CRHR2: variants seen among roughly 807,000 people sequenced by gnomAD.
CRHR2 encodes the protein corticotropin-releasing hormone receptor 2.
In CRHR2, 53 loss-of-function variants were observed where a neutral mutation model predicts 57.9. The ratio of observed to expected loss-of-function variants is 0.92; its 90% CI spans 0.73 to 1.15. CRHR2 has a LOEUF of 1.15. CRHR2 is among the 50% of genes most tolerant of loss of function. The pLI, the probability that CRHR2 is intolerant of heterozygous loss-of-function variation, is 0.00. For synonymous variants in CRHR2, 213 were observed against 220.9 expected (o/e 0.96, Z 0.32); for missense variants, 532 against 542.6 (o/e 0.98, Z 0.19).
At chr7:30,694,289 C>T (rs1785014541) in intron 1 of CRHR2, among the ~76,000 whole-genome samples, 1 of 152,248 alleles carries the variant, frequency 6.6e-6, no homozygotes, top group Non-Finnish European at 1.5e-5. Flanking sequence ...TCCCGCCTCT[C>T]AGTGCCTGGC....
chr7:30,691,358 C>T (rs1162864562), intron 1 of CRHR2, among the ~76,000 whole-genome samples: 1 of 152,224 alleles, frequency 6.6e-6, no homozygotes, highest in Non-Finnish European at 1.5e-5. Flanking sequence ...GCAGCCATTC[C>T]ATCTCAGATG....
upstream of CRHR2, among the ~76,000 whole-genome samples, chr7:30,683,829 A>G (rs1002510025): frequency 1.3e-5 from 2 of 152,208 alleles, no homozygotes; most frequent in Non-Finnish European, 2.9e-5. Context: ...TTCCCCTGCC[A>G]TCCTCCACAT....
At chr7:30,664,447 T>G (rs1784113153) in intron 5 of CRHR2, among the ~76,000 whole-genome samples, 1 of 152,190 alleles carries the variant, frequency 6.6e-6, no homozygotes, top group Non-Finnish European at 1.5e-5. Context: ...ATGGGGAAAA[T>G]GATCCCTGCT....
chr7:30,699,474 G>A (rs537001099), intron 1 of CRHR2, among the ~76,000 whole-genome samples: 47 of 151,348 alleles, frequency 3.1e-4, no homozygotes, highest in Non-Finnish European at 4.7e-4. Context: ...GTCCCTGGGG[G>A]TAAGGGTCAG....
intron 5 of CRHR2, among the ~76,000 whole-genome samples, chr7:30,664,235 T>C (rs1021584144): frequency 6.6e-6 from 1 of 152,248 alleles, no homozygotes; most frequent in African/African-American, 2.4e-5. Context: ...GAGAAGTCTC[T>C]GTCGGTGTGC....
chr7:30,658,426 A>G (rs1429404050), intron 8 of CRHR2, among the ~76,000 whole-genome samples: 1 of 150,472 alleles, frequency 6.6e-6, no homozygotes, highest in Non-Finnish European at 1.5e-5. Context: ...CTTGTGGCCT[A>G]GCTGGGGGCC....
At chr7:30,683,244 C>G (rs1301234006), upstream of CRHR2, among the ~76,000 whole-genome samples, 2 of 152,190 alleles carry the variant, frequency 1.3e-5, no homozygotes, top group East Asian at 3.9e-4. Context: ...TTGTTAGTGC[C>G]TTGGGCACCA....
upstream of CRHR2, among the ~76,000 whole-genome samples, chr7:30,687,337 C>T (rs1360575607): frequency 2.6e-5 from 4 of 151,640 alleles, no homozygotes; most frequent in African/African-American, 9.7e-5. Context: ...GCGTCACAAG[C>T]GATGCGGTGG....
intron 1 of CRHR2, among the ~76,000 whole-genome samples, chr7:30,696,447 C>A (rs887684370): frequency 6.6e-6 from 1 of 152,082 alleles, no homozygotes; most frequent in Non-Finnish European, 1.5e-5. Context: ...TAAGGCCAGG[C>A]GCGGTGGTTC....
chr7:30,680,762 C>T (rs1204158545), intron 2 of CRHR2, among the ~76,000 whole-genome samples: 3 of 152,064 alleles, frequency 2.0e-5, no homozygotes. Context: ...AGGTACATCT[C>T]TCTTGCCTTC....
intron 1 of CRHR2, chr7:30,699,914 A>G: frequency 6.7e-7 from 1 of 1,490,258 alleles, no homozygotes; most frequent in Non-Finnish European, 8.9e-7. Flanking sequence ...CTGGCGCCCC[A>G]CCTCGTGGAC....
chr7:30,658,998 A>T (rs534655182), intron 8 of CRHR2, among the ~76,000 whole-genome samples: 3 of 152,336 alleles, frequency 2.0e-5, no homozygotes, highest in Admixed American at 1.3e-4. Flanking sequence ...CTGCTCTGCT[A>T]GCTATTAGTG....
intron 2 of CRHR2, chr7:30,689,130 T>C (rs1186988624): frequency 6.9e-7 from 1 of 1,449,010 alleles, no homozygotes; most frequent in Admixed American, 2.0e-5. Flanking sequence ...AGCCTCTTCC[T>C]CCCGCAGGGC....
At chr7:30,654,948 C>T (rs1783722491) in intron 11 of CRHR2, 91 bp downstream of exon 11, 3 of 1,566,286 alleles carry the variant, frequency 1.9e-6, no homozygotes, top group East Asian at 4.8e-5. Context: ...CCTGGCACTC[C>T]AGCAAGGCCG....
intron 8 of CRHR2, among the ~76,000 whole-genome samples, chr7:30,657,502 C>T (rs1783833761): frequency 6.6e-6 from 1 of 152,220 alleles, no homozygotes; most frequent in Non-Finnish European, 1.5e-5. Context: ...GTCACCTTAA[C>T]ATATAAGTGA....
At chr7:30,667,348 C>T (rs764115564) in intron 2 of CRHR2, 35 bp from the exon 3 acceptor site, 13 of 1,594,536 alleles carry the variant, frequency 8.2e-6, no homozygotes, top group Non-Finnish European at 1.0e-5. Flanking sequence ...AGTCAGGTCA[C>T]TCCCCTCCTC....
At chr7:30,655,295 C>CA (rs1783739916) in intron 10 of CRHR2, among the ~76,000 whole-genome samples, 1 of 152,144 alleles carries the variant, frequency 6.6e-6, no homozygotes, top group African/African-American at 2.4e-5. Flanking sequence ...AGGCAGACTC[C>CA]GGTCTCCTCA....
intron 5 of CRHR2, among the ~76,000 whole-genome samples, 168 bp downstream of exon 5, chr7:30,664,902 T>G (rs1003884946): frequency 6.6e-6 from 1 of 151,368 alleles, no homozygotes; most frequent in Non-Finnish European, 1.5e-5. Flanking sequence ...AGTTCAACAT[T>G]AGGAAGAGCT....
chr7:30,681,915 G>A lies in CRHR2; in HGVS notation c.229C>T (p.Arg77Trp). The A allele has an allele frequency of 6.2e-7, 1 of 1,608,694 alleles. No individual in the cohort carries two copies. The highest frequency in any genetic ancestry group is 8.5e-7 in the Non-Finnish European group (1 of 1,177,958). ...YFNGVKYNTT[R>W]NAYRECLENG... Reference sequence around the variant, plus strand: ...GGCAGCGAGGGCCGGGGGCACTCACGGGTCGTGTTGTACTTGACGCCGTTG... The same window carrying A: ...GGCAGCGAGGGCCGGGGGCACTCACAGGTCGTGTTGTACTTGACGCCGTTG... The change falls in exon 2 of 12, where the codon CGG (arginine) becomes TGG (tryptophan). Residue 77 changes from arginine (R) to tryptophan (W), a missense_variant and splice_region_variant. By Grantham distance (101) the Arg-to-Trp change is moderately radical. Transcript: ENST00000471646.
Sources: gnomAD v4.1 joint callset for allele counts (sites outside exome capture counted in the v4.1 genomes callset) on GRCh38, gnomAD v4.1.1 for gene constraint, MANE v1.5 for transcripts, NCBI Gene and HGNC (gene_info 2026-07-23, HGNC 2026-07-21) for gene names.